The following GSE1 variants were observed in gnomAD, a reference collection of about 807,000 sequenced individuals.
The protein encoded by GSE1 is Gse1 coiled-coil protein, also known as genetic suppressor element 1.
In GSE1, 32 loss-of-function variants were observed where a neutral mutation model predicts 112.6. The observed-to-expected ratio is 0.28, with a 90% CI of 0.21 to 0.38. The LOEUF is 0.38. Among genes scored for constraint, GSE1 ranks in the 10% least tolerant of loss-of-function variants. The pLI is 1.00. For synonymous variants in GSE1, 1,115 were observed against 735.6 expected, an observed-to-expected ratio of 1.52 and a Z score of -8.35; for missense variants, 2,348 against 1,699.2, an observed-to-expected ratio of 1.38 and a Z score of -6.71.
intron 2 of GSE1, among the ~76,000 whole-genome samples, chr16:85,460,007 G>C (rs576603225): frequency 1.1e-4 from 16 of 152,172 alleles, no homozygotes; most frequent in Admixed American, 5.2e-4. Context: ...CTGTGATCCT[G>C]TCCTTCTGCT....
Position 85,675,211 on chromosome 16 carries a change from G to C in GSE1, c.*2672G>C, listed in dbSNP as rs142641154. ...AGTACCTCAAATCTGCTCTGGAGTC[G>C]ATTATGCCACCTGTGTGTCAGGATG... On this transcript the variant is annotated 3_prime_UTR_variant, in exon 16 of 16. Transcript: ENST00000253458. 6.6e-6 allele frequency: 1 copy of C among 152,136 alleles called. No homozygotes were observed. 9.4% of individuals were successfully genotyped at this position (152,136 alleles called of 1,614,324 possible). A position where few individuals can be genotyped will look rare whatever the true frequency, so the allele number is the denominator to read the frequency against.
At chr16:85,463,244 TC>T in intron 2 of GSE1, 1 of 306,026 alleles carries the variant, frequency 3.3e-6, no homozygotes, top group Non-Finnish European at 4.8e-6. Flanking sequence ...AGCCTCGCCC[TC>T]CAGCCCCATC....
chr16:85,324,838 A>C (rs562299846), intron 1 of GSE1, among the ~76,000 whole-genome samples: 55 of 152,114 alleles, frequency 3.6e-4, no homozygotes, highest in African/African-American at 1.3e-3. Context: ...ATGGGTATGG[A>C]GTTTTGTTTT....
chr16:85,400,263 G>C (rs1314216959), intron 2 of GSE1, among the ~76,000 whole-genome samples: 3 of 151,320 alleles, frequency 2.0e-5, no homozygotes, highest in South Asian at 2.1e-4. Flanking sequence ...GTGTGTGTGT[G>C]TGTGTGTGTG....
chr16:85,268,204 C>G (rs1908450123), intron 1 of GSE1, among the ~76,000 whole-genome samples: 1 of 150,002 alleles, frequency 6.7e-6, no homozygotes, highest in African/African-American at 2.5e-5. Context: ...CTCGTCTACT[C>G]TCTGAGGCCC....
At chr16:85,293,829 T>C (rs1490044237) in intron 1 of GSE1, among the ~76,000 whole-genome samples, 1 of 152,186 alleles carries the variant, frequency 6.6e-6, no homozygotes, top group African/African-American at 2.4e-5. Context: ...TCACGCGGCC[T>C]TCTACGGAGG....
intron 1 of GSE1, among the ~76,000 whole-genome samples, chr16:85,174,691 C>A (rs577739835): frequency 6.6e-6 from 1 of 152,164 alleles, no homozygotes; most frequent in South Asian, 2.1e-4. Context: ...TCCAGCAGAG[C>A]AAAGTGCCGA....
intron 12 of GSE1, 35 bp downstream of exon 12, chr16:85,665,163 G>C (rs1481164144): frequency 1.5e-6 from 2 of 1,308,134 alleles, no homozygotes; most frequent in South Asian, 1.2e-5. Flanking sequence ...CCACCACCCA[G>C]GACCATCCCA....
rs936850994 is a variant in GSE1 at position 85,475,425 on chromosome 16, G to T, written c.2464+117782G>T. 1.1e-4 allele frequency among the ~76,000 whole-genome samples: 17 copies of T among 152,384 alleles called. No individual in the cohort carries two copies. The East Asian group carries it at 3.3e-3, about 29-fold the overall frequency. On this transcript the variant is annotated intron_variant, in intron 2 of 2. Coordinates refer to the GSE1 transcript ENST00000637419. ...GGCGGACCGTGTTTGTCCTGTAGAGGCACCTGGTGTCCTGAAGCAGGCAAG... is the reference window on the plus strand; with the variant it reads ...GGCGGACCGTGTTTGTCCTGTAGAGTCACCTGGTGTCCTGAAGCAGGCAAG...
upstream of GSE1, among the ~76,000 whole-genome samples, chr16:85,551,550 G>A (rs1046524053): frequency 3.3e-5 from 5 of 152,224 alleles, no homozygotes; most frequent in Admixed American, 2.0e-4. Flanking sequence ...ATGGAAGGCC[G>A]CCCGGGAGGC....
intron 1 of GSE1, among the ~76,000 whole-genome samples, chr16:85,339,335 C>G (rs1339430316): frequency 1.3e-5 from 2 of 152,180 alleles, no homozygotes; most frequent in Admixed American, 6.5e-5. Context: ...TTGTCTTTGC[C>G]TGGACCCAGG....
At chr16:85,235,569 G>A (rs1381120952) in intron 1 of GSE1, among the ~76,000 whole-genome samples, 3 of 57,398 alleles carry the variant, frequency 5.2e-5, no homozygotes, top group Non-Finnish European at 1.2e-4. Context: ...ATATGTGTGT[G>A]TGTGGGTGGG....
intron 1 of GSE1, among the ~76,000 whole-genome samples, chr16:85,246,804 G>GT (rs1408110762): frequency 6.6e-6 from 1 of 152,088 alleles, no homozygotes; most frequent in Non-Finnish European, 1.5e-5. Flanking sequence ...GATGTCTGTG[G>GT]CCCCTACTGA....
chr16:85,668,303 C>T lies in GSE1; in HGVS notation c.3294C>T (p.Asp1098=), dbSNP rs1022864222. 4 of 1,612,514 alleles carry T rather than the reference C, an allele frequency of 2.5e-6. No individual in the cohort carries two copies. The East Asian group carries it at 6.7e-5, about 27-fold the overall frequency. ...ARKGPPTQEL[D]RDSEEEEEED... ...AGGGCCCCCCAACCCAGGAGTTGGACCGGGACTCGGAGGAGGAGGAAGAGG... is the reference window on the plus strand; with the variant it reads ...AGGGCCCCCCAACCCAGGAGTTGGATCGGGACTCGGAGGAGGAGGAAGAGG... The change falls in exon 14 of 16, where the codon GAC becomes GAT. Residue 1098 remains aspartate, a synonymous_variant. Transcript: ENST00000253458.
intron 2 of GSE1, among the ~76,000 whole-genome samples, chr16:85,479,750 G>A (rs1033614782): frequency 2.0e-5 from 3 of 152,188 alleles, no homozygotes; most frequent in South Asian, 4.1e-4. Flanking sequence ...TCCCATTGCC[G>A]TGTGAACATT....
chr16:85,277,500 C>T (rs1478836438), intron 1 of GSE1, among the ~76,000 whole-genome samples: 3 of 151,896 alleles, frequency 2.0e-5, no homozygotes, highest in Admixed American at 1.3e-4. Context: ...TGCGAGTCAC[C>T]TGGGGCCAGG....
Position 85,661,531 on chromosome 16 carries a change from G to T in GSE1, c.2026G>T (p.Ala676Ser), listed in dbSNP as rs375439067. The T allele has an allele frequency of 1.4e-5, 22 of 1,611,796 alleles. No homozygotes were observed. The highest frequency in any genetic ancestry group is 1.7e-5 in the Non-Finnish European group (20 of 1,179,700). Residue 676 changes from alanine to serine, a missense_variant, in exon 9 of 16, where the codon GCT becomes TCT. By Grantham distance (99) the Ala-to-Ser change is moderately conservative. Transcript: ENST00000253458. ...PFLPGPGPFL[A>S]ELEKSTQTIL... ...CCTGCCCGGGCCCGGGCCCTTCCTG[G>T]CTGAGCTCGAGAAGTCCACCCAGAC...
intron 1 of GSE1, among the ~76,000 whole-genome samples, chr16:85,599,999 G>T (rs1485037283): frequency 6.6e-6 from 1 of 152,184 alleles, no homozygotes; most frequent in African/African-American, 2.4e-5. Context: ...GACCTGGCAA[G>T]GTCCCTCCTG....
At chr16:85,365,390 C>T (rs1390219398) in intron 2 of GSE1, among the ~76,000 whole-genome samples, 2 of 152,246 alleles carry the variant, frequency 1.3e-5, no homozygotes, top group South Asian at 4.1e-4. Flanking sequence ...CACCTTCACT[C>T]TTCTCTTTTC....
Sources: allele counts gnomAD v4.1 joint callset (sites outside exome capture counted in the v4.1 genomes callset), GRCh38; gene constraint gnomAD v4.1.1; transcripts MANE v1.5; gene names NCBI Gene and HGNC (gene_info 2026-07-23, HGNC 2026-07-21).